ARK2C: variants seen among roughly 807,000 people sequenced by gnomAD.
ARK2C encodes E3 ubiquitin-protein ligase ARK2C.
chr18:46,385,647 T>A, the ARK2C span: 1 of 152,174 alleles, frequency 6.6e-6, no homozygotes, highest in African/African-American at 2.4e-5. Context: ...TCTAGAAGTG[T>A]CAGCTGTCCC....
the ARK2C span, among the ~76,000 whole-genome samples, chr18:46,405,882 C>T: frequency 5.1e-3 from 772 of 152,218 alleles, 3 homozygotes; most frequent in Non-Finnish European, 9.1e-3. Context: ...TCCCCTGTAT[C>T]AACCTTCCTG....
chr18:46,400,091 C>G, the ARK2C span, among the ~76,000 whole-genome samples: 28 of 152,330 alleles, frequency 1.8e-4, no homozygotes, highest in Middle Eastern at 0.01. Flanking sequence ...GTACCTCTTA[C>G]CCATCGCTTG....
the ARK2C span, among the ~76,000 whole-genome samples, chr18:46,343,781 C>G: frequency 6.6e-6 from 1 of 152,176 alleles, no homozygotes; most frequent in Non-Finnish European, 1.5e-5. Flanking sequence ...TCAGTAGGCA[C>G]GTGAACTTCC....
At chr18:46,346,167 C>T in the ARK2C span, among the ~76,000 whole-genome samples, 2 of 152,122 alleles carry the variant, frequency 1.3e-5, no homozygotes, top group Admixed American at 6.5e-5. Context: ...GGCAGATCCT[C>T]AAGTGTGCCA....
At chr18:46,405,792 G>A in the ARK2C span, among the ~76,000 whole-genome samples, 1 of 152,060 alleles carries the variant, frequency 6.6e-6, no homozygotes, top group Non-Finnish European at 1.5e-5. Context: ...CTTAAGGTCT[G>A]GGGATGGTGA....
the ARK2C span, among the ~76,000 whole-genome samples, chr18:46,358,811 G>C: frequency 3.9e-5 from 6 of 152,134 alleles, no homozygotes; most frequent in East Asian, 1.2e-3. Context: ...CACACGCCTT[G>C]GTCATCACTG....
chr18:46,413,304 G>A, the ARK2C span, among the ~76,000 whole-genome samples: 2 of 152,036 alleles, frequency 1.3e-5, no homozygotes, highest in East Asian at 1.9e-4. Context: ...ATGTGGTGAC[G>A]TCCCAGGGAC....
At chr18:46,400,074 C>A in the ARK2C span, among the ~76,000 whole-genome samples, 1 of 152,184 alleles carries the variant, frequency 6.6e-6, no homozygotes, top group Non-Finnish European at 1.5e-5. Context: ...GCACTGGGAC[C>A]CCCACGGTAC....
chr18:46,456,087 G>A, the ARK2C span: 6 of 1,553,722 alleles, frequency 3.9e-6, no homozygotes, highest in Non-Finnish European at 5.3e-6. Flanking sequence ...TGAGGTAGGA[G>A]ACCGCCATTT....
the ARK2C span, among the ~76,000 whole-genome samples, chr18:46,438,341 C>T: frequency 7.9e-5 from 12 of 152,338 alleles, no homozygotes; most frequent in Non-Finnish European, 8.8e-5. Flanking sequence ...GAACCACATC[C>T]CCTGTTGGGG....
At chr18:46,389,385 T>G in the ARK2C span, among the ~76,000 whole-genome samples, 19 of 152,236 alleles carry the variant, frequency 1.2e-4, no homozygotes, top group Non-Finnish European at 1.3e-4. Context: ...AAAGTCCCAC[T>G]GGACAGACTC....
chr18:46,342,922 C>A, the ARK2C span, among the ~76,000 whole-genome samples: 10 of 152,146 alleles, frequency 6.6e-5, no homozygotes, highest in Non-Finnish European at 1.2e-4. Flanking sequence ...GCTGTAAACA[C>A]AATATATGTA....
the ARK2C span, among the ~76,000 whole-genome samples, chr18:46,438,402 T>C: frequency 2.0e-5 from 3 of 152,344 alleles, no homozygotes; most frequent in South Asian, 6.2e-4. Flanking sequence ...GGGCAGACCA[T>C]CCCACCCATT....
At chr18:46,366,965 T>C in the ARK2C span, among the ~76,000 whole-genome samples, 1 of 152,186 alleles carries the variant, frequency 6.6e-6, no homozygotes, top group African/African-American at 2.4e-5. Flanking sequence ...GGCCCAGTCA[T>C]CCCGTTGGAC....
At chr18:46,376,153 G>T in the ARK2C span, among the ~76,000 whole-genome samples, 3 of 152,190 alleles carry the variant, frequency 2.0e-5, no homozygotes, top group Non-Finnish European at 4.4e-5. Flanking sequence ...CTGCTATTAG[G>T]CCCCTGGCTT....
At chr18:46,338,297 C>G in the ARK2C span, among the ~76,000 whole-genome samples, 1 of 152,102 alleles carries the variant, frequency 6.6e-6, no homozygotes, top group Non-Finnish European at 1.5e-5. Context: ...CATTGAGATC[C>G]TGGATAAGGA....
At chr18:46,428,081 G>T in the ARK2C span, among the ~76,000 whole-genome samples, 16 of 152,162 alleles carry the variant, frequency 1.1e-4, no homozygotes, top group Non-Finnish European at 2.4e-4. Flanking sequence ...CTTGGAGGGG[G>T]TCTGTGGGAA....
At chr18:46,449,479 C>T in the ARK2C span, among the ~76,000 whole-genome samples, 1 of 152,190 alleles carries the variant, frequency 6.6e-6, no homozygotes, top group Non-Finnish European at 1.5e-5. Context: ...AACCACCAAG[C>T]TTCTCTTGGA....
chr18:46,407,816 G>C, the ARK2C span, among the ~76,000 whole-genome samples: 2,546 of 152,340 alleles, frequency 0.017, 37 homozygotes, highest in East Asian at 0.093. Context: ...ATCCACCCAT[G>C]TGAAAAGTTG....
Sources: gnomAD v4.1 joint callset for allele counts (sites outside exome capture counted in the v4.1 genomes callset) on GRCh38, gnomAD v4.1.1 for gene constraint, MANE v1.5 for transcripts, NCBI Gene and HGNC (gene_info 2026-07-23, HGNC 2026-07-21) for gene names.